The following FHOD3 variants were observed in gnomAD, a reference collection of about 807,000 sequenced individuals.
The protein encoded by FHOD3 is formin homology 2 domain containing 3.
Under a neutral mutation model 173.0 loss-of-function variants are expected in FHOD3, and 90 were observed. That is an observed-to-expected ratio of 0.52 (90% CI 0.44 to 0.62). The LOEUF (loss-of-function observed/expected upper bound fraction) is 0.62, where lower values mean the gene tolerates loss of function less well. FHOD3 is among the 20% of genes least tolerant of loss of function. FHOD3 has a pLI of 0.00. For missense variants in FHOD3, 1,945 were observed against 2,034.7 expected, an observed-to-expected ratio of 0.96 and a Z score of 0.85; for synonymous variants, 828 against 823.0, an observed-to-expected ratio of 1.01 and a Z score of -0.10.
chr18:36,474,600 G>A (rs1190376724), intron 3 of FHOD3, among the ~76,000 whole-genome samples: 2 of 152,170 alleles, frequency 1.3e-5, no homozygotes, highest in East Asian at 3.9e-4. Context: ...AAACTGGAAA[G>A]GTCCATATTT....
At chr18:36,699,731 C>G (rs1450001624) in intron 17 of FHOD3, among the ~76,000 whole-genome samples, 1 of 152,182 alleles carries the variant, frequency 6.6e-6, no homozygotes, top group African/African-American at 2.4e-5. Context: ...TGGCAAGACA[C>G]ACTCACGTTG....
intron 17 of FHOD3, among the ~76,000 whole-genome samples, chr18:36,702,382 G>A (rs928560403): frequency 1.3e-5 from 2 of 152,222 alleles, no homozygotes; most frequent in African/African-American, 4.8e-5. Context: ...AACCTAGGAA[G>A]AACTGGTCTA....
At chr18:36,730,845 A>C (rs762330231) in intron 20 of FHOD3, 41 bp downstream of exon 20, 6 of 1,590,994 alleles carry the variant, frequency 3.8e-6, no homozygotes. Context: ...ATTTTATCTT[A>C]TACTGCATGT....
At chr18:36,775,391 A>G (rs2043582238) in intron 28 of FHOD3, among the ~76,000 whole-genome samples, 1 of 152,244 alleles carries the variant, frequency 6.6e-6, no homozygotes, top group Admixed American at 6.5e-5. Context: ...CCTGCCAAGC[A>G]TCGGCAGGGC....
At chr18:36,463,503 A>G (rs1217380979) in intron 3 of FHOD3, among the ~76,000 whole-genome samples, 2 of 21,236 alleles carry the variant, frequency 9.4e-5, no homozygotes, top group African/African-American at 3.4e-4. Flanking sequence ...TTTAAAAAAT[A>G]TATATATTTT....
intron 3 of FHOD3, among the ~76,000 whole-genome samples, chr18:36,411,245 T>G: frequency 6.6e-6 from 1 of 152,218 alleles, no homozygotes; most frequent in Non-Finnish European, 1.5e-5. Flanking sequence ...CACCATTTGT[T>G]GAAAAGACCA....
intron 3 of FHOD3, among the ~76,000 whole-genome samples, chr18:36,466,371 A>T (rs2052939723): frequency 6.6e-6 from 1 of 152,216 alleles, no homozygotes; most frequent in Non-Finnish European, 1.5e-5. Context: ...GGAGACAAGC[A>T]AGGAGGACTA....
intron 2 of FHOD3, among the ~76,000 whole-genome samples, chr18:36,358,824 G>T (rs565114825): frequency 2.6e-5 from 4 of 152,030 alleles, no homozygotes; most frequent in African/African-American, 9.6e-5. Context: ...GTAGAGACGG[G>T]GTCTCCTTAT....
At chr18:36,640,881 A>C (rs1171233399) in intron 10 of FHOD3, among the ~76,000 whole-genome samples, 5 of 152,160 alleles carry the variant, frequency 3.3e-5, no homozygotes, top group Non-Finnish European at 4.4e-5. Context: ...AAAACAGTTT[A>C]GATTCTGCTT....
At chr18:36,614,840 A>ATTT (rs751719654) in intron 9 of FHOD3, among the ~76,000 whole-genome samples, 13 of 86,172 alleles carry the variant, frequency 1.5e-4, no homozygotes, top group East Asian at 4.0e-4. Flanking sequence ...TTTTTAATTG[A>ATTT]TTTTTTTTTT....
chr18:36,631,465 AAAATGAAGAGAGTTGTACCATATAGTGC>A (rs1451400535), intron 10 of FHOD3, among the ~76,000 whole-genome samples: 126 of 152,370 alleles, frequency 8.3e-4, no homozygotes, highest in African/African-American at 2.9e-3. Context: ...TGTGTGATGT[AAAATGAAGAGAGTTGTACCATATAGTGC>A]AAAGATGAAT....
At chr18:36,587,298 A>C (rs2059068679) in intron 6 of FHOD3, among the ~76,000 whole-genome samples, 3 of 152,102 alleles carry the variant, frequency 2.0e-5, no homozygotes, top group Admixed American at 2.0e-4. Flanking sequence ...TGAAGTTAGA[A>C]ACTCTTCAGA....
At chr18:36,365,848 T>C (rs2046874317) in intron 2 of FHOD3, among the ~76,000 whole-genome samples, 1 of 152,158 alleles carries the variant, frequency 6.6e-6, no homozygotes, top group Non-Finnish European at 1.5e-5. Context: ...GCCTCATGTC[T>C]TGTTGAAGTG....
chr18:36,672,786 C>T (rs8094794), intron 14 of FHOD3, among the ~76,000 whole-genome samples: 32,231 of 152,068 alleles, frequency 0.21, 3,536 homozygotes, highest in African/African-American at 0.25. Context: ...GAAGAGTGAC[C>T]CGCTGACTGT....
rs2046329489 is a variant in FHOD3, at chr18:36,355,749, T to C, written c.272+104T>C. The C allele has an allele frequency of 2.1e-5, 18 of 860,374 alleles. No homozygotes were observed. In the South Asian group the frequency reaches 2.9e-4, roughly 14 times the overall value. 53.3% of individuals were successfully genotyped at this position (860,374 alleles called of 1,614,324 possible). A position where few individuals can be genotyped will look rare whatever the true frequency, so the allele number is the denominator to read the frequency against. On this transcript the variant is annotated intron_variant, in intron 2 of 28. Transcript: ENST00000590592. ...GGAGGAACTACCATGGCTTTGACCT[T>C]CTCTTAATTCTCAATCACACACGAG...
At chr18:36,524,969 C>A (rs1235473497) in intron 5 of FHOD3, among the ~76,000 whole-genome samples, 1 of 152,100 alleles carries the variant, frequency 6.6e-6, no homozygotes, top group Non-Finnish European at 1.5e-5. Flanking sequence ...GAATAAAGTG[C>A]TAACAGGAGG....
intron 3 of FHOD3, among the ~76,000 whole-genome samples, chr18:36,478,967 C>T (rs899104741): frequency 6.6e-6 from 1 of 152,162 alleles, no homozygotes; most frequent in Non-Finnish European, 1.5e-5. Context: ...TCTAAATATA[C>T]CTTATACAAC....
At chr18:36,588,954 C>T (rs1238279264) in intron 6 of FHOD3, among the ~76,000 whole-genome samples, 1 of 152,164 alleles carries the variant, frequency 6.6e-6, no homozygotes, top group African/African-American at 2.4e-5. Context: ...TGACATTGAG[C>T]CCTGTGTTAT....
intron 14 of FHOD3, among the ~76,000 whole-genome samples, chr18:36,678,524 C>CAAAAAAAAAAAAAA (rs58064190): frequency 8.4e-5 from 6 of 71,146 alleles, no homozygotes; most frequent in East Asian, 4.2e-4. Flanking sequence ...GACCCTGTCT[C>CAAAAAAAAAAAAAA]AAAAAAAAAA....
Sources: gnomAD v4.1 joint callset for allele counts (sites outside exome capture counted in the v4.1 genomes callset) on GRCh38, gnomAD v4.1.1 for gene constraint, MANE v1.5 for transcripts, NCBI Gene and HGNC (gene_info 2026-07-23, HGNC 2026-07-21) for gene names.